Variants in MRC1 observed in about 807,000 individuals in gnomAD.
The protein encoded by MRC1 is macrophage mannose receptor 1.
Under a neutral mutation model 102.9 loss-of-function variants are expected in MRC1, and 62 were observed. That is an observed-to-expected ratio of 0.60 (90% confidence interval 0.49 to 0.74). MRC1 has a LOEUF of 0.74. Ranked by LOEUF, MRC1 falls within the 30% of genes least tolerant of loss-of-function variation. MRC1 has a pLI of 0.00. For synonymous variants in MRC1, 457 were observed against 298.4 expected (o/e 1.53, Z -5.48); for missense variants, 1,237 against 862.8 (o/e 1.43, Z -5.43).
intron 17 of MRC1, among the ~76,000 whole-genome samples, chr10:17,877,312 T>C (rs1833450037): frequency 1.4e-5 from 2 of 147,908 alleles, no homozygotes; most frequent in African/African-American, 2.5e-5. Context: ...AATAAATATA[T>C]GATATATGTA....
chr10:17,875,492 A>G (rs1554842037), intron 17 of MRC1, among the ~76,000 whole-genome samples: 1 of 152,186 alleles, frequency 6.6e-6, no homozygotes, highest in African/African-American at 2.4e-5. Flanking sequence ...CTTAGCTTCC[A>G]CTTATGAGTG....
rs1206473784 is a variant in MRC1 at position 17,852,871 on chromosome 10, C to T, written c.1250-96C>T. 7.7e-6 allele frequency: 6 copies of T among 777,010 alleles called. No individual in the cohort carries two copies. The Admixed American group carries it at 8.5e-5, about 11-fold the overall frequency. The allele number at this position is 777,010 out of a possible 1,614,324, so 48.1% of individuals were successfully genotyped here. A position where few individuals can be genotyped will look rare whatever the true frequency, so the allele number is the denominator to read the frequency against. On this transcript the variant is annotated intron_variant, in intron 7 of 29. Coordinates refer to ENST00000569591, the MANE Select transcript of MRC1 (RefSeq NM_002438.4). The stretch of plus-strand genomic sequence containing the variant: ...GGTGATCATATCAAGGGAGGTAGAG[C>T]CCTGTTGATAAAGCAGAGTGCCTTC...
chr10:17,811,227 T>C (rs1429552193), intron 1 of MRC1, among the ~76,000 whole-genome samples: 3 of 152,246 alleles, frequency 2.0e-5, no homozygotes, highest in East Asian at 1.9e-4. Context: ...TGCATACTTA[T>C]AGCATGTCTC....
chr10:17,866,073 G>GT lies in MRC1; in HGVS notation c.1784-488dup, dbSNP rs1230684049. Among the ~76,000 whole-genome samples, 67 of 152,264 alleles carry GT rather than the reference G, an allele frequency of 4.4e-4. 1 individual carries two copies. The South Asian group carries it at 0.013, about 31-fold the overall frequency. Reference sequence around the variant, plus strand: ...CATTCCTTACAGTTCTATGAGGCAGGTCTTGGTATTTGCATTTGGAGAGGA... The same window carrying GT: ...CATTCCTTACAGTTCTATGAGGCAGGTTCTTGGTATTTGCATTTGGAGAGGA... On this transcript the variant is annotated intron_variant, in intron 11 of 29. Transcript: ENST00000569591.
chr10:17,822,099 C>G (rs1214231525), intron 1 of MRC1, among the ~76,000 whole-genome samples: 1 of 152,204 alleles, frequency 6.6e-6, no homozygotes, highest in South Asian at 2.1e-4. Context: ...AGAGGAAGTT[C>G]CGTTTTGCCA....
In MRC1 at chr10:17,875,253, T is replaced by C; in HGVS notation, c.2550T>C (p.Tyr850=). The C allele has an allele frequency of 1.3e-6, 1 of 780,090 alleles. No individual in the cohort carries two copies. The highest frequency in any genetic ancestry group is 2.4e-6 in the Non-Finnish European group (1 of 417,758). The allele number at this position is 780,090 out of a possible 1,614,324, so 48.3% of individuals were successfully genotyped here. ...GTGAAAAGAAGTTTCTATGGAAATA[T>C]GTAAGGACATCAATCATTTTTTAAA... The part of the protein sequence containing the change: ...SESEKKFLWK[Y]VNRNDAQSAY... Residue 850 remains tyrosine, a splice_region_variant and synonymous_variant, in exon 17 of 30, where the codon TAT becomes TAC. Transcript: ENST00000569591.
intron 22 of MRC1, among the ~76,000 whole-genome samples, chr10:17,891,906 C>T (rs1044145667): frequency 1.3e-5 from 2 of 152,110 alleles, no homozygotes; most frequent in Non-Finnish European, 2.9e-5. Flanking sequence ...GGAAGTATTT[C>T]GTAGTCCTAT....
chr10:17,904,439 G>C (rs1419558853), intron 26 of MRC1, among the ~76,000 whole-genome samples: 1 of 152,102 alleles, frequency 6.6e-6, no homozygotes, highest in African/African-American at 2.4e-5. Context: ...CACGATGTCA[G>C]CTCATCGCTT....
At chr10:17,827,789 C>G in intron 3 of MRC1, 74 bp downstream of exon 3, 2 of 770,386 alleles carry the variant, frequency 2.6e-6, no homozygotes, top group Non-Finnish European at 4.9e-6. Context: ...TTGAATTTAT[C>G]TAGAGCATTT....
At chr10:17,843,843 C>T (rs999559118) in intron 5 of MRC1, among the ~76,000 whole-genome samples, 2 of 152,042 alleles carry the variant, frequency 1.3e-5, no homozygotes, top group Admixed American at 6.6e-5. Context: ...ATATGATTTC[C>T]GTCTTGCAGG....
rs1264651253 is a variant in MRC1 at position 17,880,964 on chromosome 10, C to T, written c.2866-103C>T. 9.3e-6 allele frequency: 7 copies of T among 755,480 alleles called. No homozygotes were observed. In the East Asian group the frequency reaches 1.2e-4, roughly 13 times the overall value. The allele number at this position is 755,480 out of a possible 1,614,324, so 46.8% of individuals were successfully genotyped here. ...TGGTGGTGAGAAAATTCTGATTTAG[C>T]TATAATCTTCATGAATAATTTTGCT... On this transcript the variant is annotated intron_variant, in intron 20 of 29. Transcript: ENST00000569591.
intron 23 of MRC1, among the ~76,000 whole-genome samples, chr10:17,897,457 T>G (rs1399466496): frequency 1.3e-5 from 2 of 152,044 alleles, no homozygotes; most frequent in Non-Finnish European, 2.9e-5. Flanking sequence ...GCATAGAAAA[T>G]CATCAAGAGT....
intron 12 of MRC1, among the ~76,000 whole-genome samples, chr10:17,869,430 G>T (rs1048773134): frequency 6.6e-6 from 1 of 152,086 alleles, no homozygotes; most frequent in Non-Finnish European, 1.5e-5. Context: ...TAGTGCCTTG[G>T]AAGCAAATTT....
At chr10:17,893,461 C>T (rs1833709892) in intron 22 of MRC1, among the ~76,000 whole-genome samples, 1 of 152,098 alleles carries the variant, frequency 6.6e-6, no homozygotes, top group Non-Finnish European at 1.5e-5. Context: ...CTGGCCTTCT[C>T]TTACTTTAAA....
intron 18 of MRC1, among the ~76,000 whole-genome samples, chr10:17,879,442 C>A (rs1554842280): frequency 6.6e-6 from 1 of 152,194 alleles, no homozygotes. Flanking sequence ...GCAGCCTCCG[C>A]CTCCCAGTTC....
At chr10:17,880,086 T>C (rs1188625939) in intron 19 of MRC1, among the ~76,000 whole-genome samples, 2 of 152,200 alleles carry the variant, frequency 1.3e-5, no homozygotes, top group African/African-American at 4.8e-5. Context: ...AAAAAACTTA[T>C]CCAGAATTTG....
rs35692453 is a variant in MRC1, at chr10:17,855,571, CAAAAAAAAAAA to C, written c.1408-655_1408-645del. ...TGGGCAACAGAGCGAGACTCCGTCT[CAAAAAAAAAAA>C]AAAAAAAAAAAAAAAGAGGCTGCAT... is the stretch of plus-strand genomic sequence containing the variant. On this transcript the variant is annotated intron_variant, in intron 8 of 29. Coordinates refer to ENST00000569591, the MANE Select transcript of MRC1 (RefSeq NM_002438.4). Among the ~76,000 whole-genome samples, 32 of 42,096 alleles carry C rather than the reference CAAAAAAAAAAA, an allele frequency of 7.6e-4. No homozygotes were observed. The Admixed American group carries it at 9.0e-3, about 12-fold the overall frequency. The allele number at this position is 42,096 out of a possible 152,430, so 27.6% of individuals were successfully genotyped here.
chr10:17,858,967 C>T (rs1833139401), intron 9 of MRC1, among the ~76,000 whole-genome samples: 1 of 152,202 alleles, frequency 6.6e-6, no homozygotes, highest in Non-Finnish European at 1.5e-5. Flanking sequence ...TTTCTGTCAA[C>T]ATGTTTTTTA....
At position 17,845,306 on chromosome 10, in the gene MRC1, C is replaced by A. The variant is rs1367622559; in HGVS notation, c.934C>A (p.Pro312Thr). ...CCTCGAAGGAAGTCCATCAGCTGAA[C>A]CTGGAAAAAGCTGTGTGTCACTAAA... Reference protein sequence around the residue: ...NWLPGSPSAEPGKSCVSLNPG... With the variant: ...NWLPGSPSAETGKSCVSLNPG... Residue 312 changes from proline (P) to threonine (T), a missense_variant, in exon 6 of 30, where the codon CCT (proline) becomes ACT (threonine). Coordinates refer to ENST00000569591, the MANE Select transcript of MRC1 (RefSeq NM_002438.4). The A allele has an allele frequency of 2.6e-6, 2 of 780,594 alleles. No homozygotes were observed. Among genetic ancestry groups the A allele is most frequent in the South Asian group, 1.3e-5 (1 of 74,608 alleles). 48.4% of individuals were successfully genotyped at this position (780,594 alleles called of 1,614,324 possible).
Sources: allele counts gnomAD v4.1 joint callset (sites outside exome capture counted in the v4.1 genomes callset), GRCh38; gene constraint gnomAD v4.1.1; transcripts MANE v1.5; gene names NCBI Gene and HGNC (gene_info 2026-07-23, HGNC 2026-07-21).